Variants in C1orf167 observed in about 807,000 individuals in gnomAD.
C1orf167 encodes uncharacterized protein C1orf167.
A neutral mutation model predicts 176.5 loss-of-function variants in C1orf167; 153 were observed. The observed-to-expected ratio is 0.87, with a 90% CI of 0.76 to 0.99. The LOEUF (loss-of-function observed/expected upper bound fraction) is 0.99, where lower values mean the gene tolerates loss of function less well. Ranked by LOEUF, C1orf167 falls within the 50% of genes least tolerant of loss-of-function variation. The pLI is 0.00. For synonymous variants in C1orf167, 594 were observed against 752.7 expected (o/e 0.79, Z 3.45); for missense variants, 1,490 against 1,817.7 (o/e 0.82, Z 3.28).
intron 16 of C1orf167, chr1:11,786,173 CAGTT>C (rs926172858): frequency 2.6e-5 from 4 of 152,218 alleles, no homozygotes; most frequent in African/African-American, 9.6e-5. Context: ...AGACCAGAAG[CAGTT>C]AGTTCTGACA....
rs77347935 is a variant in C1orf167 at position 11,768,307 on chromosome 1, G to C, written c.1542+32G>C. 1 of 1,285,038 alleles carries C rather than the reference G, an allele frequency of 7.8e-7. No individual in the cohort carries two copies. The highest frequency in any genetic ancestry group is 1.0e-6 in the Non-Finnish European group (1 of 985,046). 79.6% of individuals were successfully genotyped at this position (1,285,038 alleles called of 1,614,324 possible). ...GGTCTCCAGGTTGGGCCAGGGGGCC[G>C]TGTGAAGCAGTGGTGTGTCTGGGGA... On this transcript the variant is annotated intron_variant, in intron 5 of 20. Coordinates refer to ENST00000688073, the MANE Select transcript of C1orf167 (RefSeq NM_001010881.2). This position sits in a 1 kb window ranked among gnomAD's most constrained non-coding sequence, Gnocchi z 4.5.
At chr1:11,772,749 C>A (rs1643140862) in intron 8 of C1orf167, among the ~76,000 whole-genome samples, 1 of 152,170 alleles carries the variant, frequency 6.6e-6, no homozygotes, top group Admixed American at 6.5e-5. Flanking sequence ...ACAGTGGAAC[C>A]CATGGCTGGT....
chr1:11,782,881 T>C (rs1286928131), intron 14 of C1orf167, among the ~76,000 whole-genome samples: 3 of 140,482 alleles, frequency 2.1e-5, no homozygotes, highest in Non-Finnish European at 4.5e-5. Context: ...ATTGCACCAC[T>C]GCACTCCAGC....
chr1:11,774,125 G>T (rs12734761), intron 8 of C1orf167, among the ~76,000 whole-genome samples: 1 of 151,794 alleles, frequency 6.6e-6, no homozygotes, highest in Non-Finnish European at 1.5e-5. Flanking sequence ...GGCTGGCCTC[G>T]AACTCCTGGA....
chr1:11,785,095 CAG>C lies in C1orf167; in HGVS notation c.3426-48_3426-47del, dbSNP rs751320852. 1.8e-3 allele frequency: 2,169 copies of C among 1,227,030 alleles called. 2 individuals are homozygous for C. Among genetic ancestry groups the C allele is most frequent in the Non-Finnish European group, 2.2e-3 (2,069 of 947,162 alleles). 76.0% of individuals were successfully genotyped at this position (1,227,030 alleles called of 1,614,324 possible). On this transcript the variant is annotated intron_variant, in intron 15 of 20. Coordinates refer to ENST00000688073, the MANE Select transcript of C1orf167 (RefSeq NM_001010881.2). ...CGCAGGGCACTGGGGGGGCTCCCTG[CAG>C]AGAGTCCTGGCCTTTATGGCCCTGG...
rs572350123 is a variant in C1orf167, at chr1:11,762,209, C to T, written c.-167C>T. 1 of 447,538 alleles carries T rather than the reference C, an allele frequency of 2.2e-6. No homozygotes were observed. The highest frequency in any genetic ancestry group is 4.5e-6 in the Non-Finnish European group (1 of 220,512). 27.7% of individuals were successfully genotyped at this position (447,538 alleles called of 1,614,324 possible). A position where few individuals can be genotyped will look rare whatever the true frequency, so the allele number is the denominator to read the frequency against. On this transcript the variant is annotated 5_prime_UTR_variant, in exon 1 of 21. Coordinates refer to ENST00000688073, the MANE Select transcript of C1orf167 (RefSeq NM_001010881.2). Reference sequence around the variant, plus strand: ...CTGCTCTCCGACGTCCCCTCCCGCCCGCGACCTGCCGACCTGCGGGGATCG... The same window carrying T: ...CTGCTCTCCGACGTCCCCTCCCGCCTGCGACCTGCCGACCTGCGGGGATCG...
intron 7 of C1orf167, 61 bp downstream of exon 7, chr1:11,771,697 C>G: frequency 8.6e-7 from 1 of 1,161,306 alleles, no homozygotes; most frequent in Non-Finnish European, 1.1e-6. Flanking sequence ...GGCCTGAGCT[C>G]CACACTGGGC....
At position 11,778,676 on chromosome 1, in the gene C1orf167, C is replaced by T. The variant is rs1337015257; in HGVS notation, c.2356C>T (p.Leu786=). ...CTTCTCTAGCTCCTTCTTCCAGGGC[C>T]TGCAGCAGCGGATGCTGCAGCGCAG... is the stretch of plus-strand genomic sequence containing the variant. ...RQWANSFFQG[L]QQRMLQRSLR... The change falls in exon 11 of 21, where the codon CTG becomes TTG. Residue 786 remains leucine, a synonymous_variant. Coordinates refer to ENST00000688073, the MANE Select transcript of C1orf167 (RefSeq NM_001010881.2). The T allele has an allele frequency of 1.5e-6, 2 of 1,298,978 alleles. No homozygotes were observed. Among genetic ancestry groups the T allele is most frequent in the Non-Finnish European group, 2.0e-6 (2 of 984,936 alleles). The allele number at this position is 1,298,978 out of a possible 1,614,324, so 80.5% of individuals were successfully genotyped here. A position where few individuals can be genotyped will look rare whatever the true frequency, so the allele number is the denominator to read the frequency against.
rs976124989 is a variant in C1orf167, at chr1:11,779,070, C to T, written c.2641C>T (p.Arg881Cys). The T allele has an allele frequency of 1.3e-5, 16 of 1,249,162 alleles. 1 individual carries two copies. In the East Asian group the frequency reaches 2.3e-4, roughly 18 times the overall value. The allele number at this position is 1,249,162 out of a possible 1,614,324, so 77.4% of individuals were successfully genotyped here. ...CACAGCCAGGTGGTACCAGCATACC[C>T]GCCAGAGGCGGTAGGGATCCCTCCC... ...QGTARWYQHT[R>C]QRRIFLSWSR... is the part of the protein sequence containing the mutation. Residue 881 changes from arginine (R) to cysteine (C), a missense_variant, in exon 12 of 21, where the codon CGC (arginine) becomes TGC (cysteine). Physicochemically the swap from Arg to Cys is radical, Grantham distance 180 (BLOSUM62 -3). Coordinates refer to ENST00000688073, the MANE Select transcript of C1orf167 (RefSeq NM_001010881.2).
In C1orf167 at chr1:11,767,001, G is replaced by T; in HGVS notation, c.1215G>T (p.Gly405=). ...GVSPKQKGEE[G]APRERVHREE... is the part of the protein sequence containing the mutation. The stretch of plus-strand genomic sequence containing the variant: ...CACCCAAGCAGAAAGGAGAGGAGGG[G>T]GCCCCGAGGGAGCGGGTCCACAGGG... The change falls in exon 3 of 21, where the codon GGG becomes GGT. Residue 405 remains glycine, a synonymous_variant. Coordinates refer to ENST00000688073, the MANE Select transcript of C1orf167 (RefSeq NM_001010881.2). The T allele has an allele frequency of 8.3e-7, 1 of 1,209,294 alleles. No homozygotes were observed. Among genetic ancestry groups the T allele is most frequent in the South Asian group, 1.5e-5 (1 of 67,252 alleles). 74.9% of individuals were successfully genotyped at this position (1,209,294 alleles called of 1,614,324 possible).
chr1:11,770,403 C>G (rs561928585), intron 6 of C1orf167, among the ~76,000 whole-genome samples: 149 of 151,404 alleles, frequency 9.8e-4, no homozygotes, highest in African/African-American at 3.4e-3. Context: ...AAAATGGAAA[C>G]TATGCTTATC....
chr1:11,768,020 C>A lies in C1orf167; in HGVS notation c.1344-57C>A. On this transcript the variant is annotated intron_variant, in intron 4 of 20. Coordinates refer to ENST00000688073, the MANE Select transcript of C1orf167 (RefSeq NM_001010881.2). The surrounding 1 kb of genome is among the most constrained non-coding windows in gnomAD (Gnocchi z 4.5). ...TCTCAGAGGGTATCCAGCCACTGGG[C>A]TGTCCCTGGGGATAGGAGGGCAGTC... The A allele has an allele frequency of 8.3e-7, 1 of 1,202,018 alleles. No homozygotes were observed. The highest frequency in any genetic ancestry group is 1.1e-6 in the Non-Finnish European group (1 of 937,324). The allele number at this position is 1,202,018 out of a possible 1,614,324, so 74.5% of individuals were successfully genotyped here. A position where few individuals can be genotyped will look rare whatever the true frequency, so the allele number is the denominator to read the frequency against.
Position 11,784,265 on chromosome 1 carries a change from C to G in C1orf167, c.3097C>G (p.Leu1033Val). 7.7e-7 allele frequency: 1 copy of G among 1,302,694 alleles called. No individual in the cohort carries two copies. The highest frequency in any genetic ancestry group is 1.0e-6 in the Non-Finnish European group (1 of 988,112). 80.7% of individuals were successfully genotyped at this position (1,302,694 alleles called of 1,614,324 possible). A position where few individuals can be genotyped will look rare whatever the true frequency, so the allele number is the denominator to read the frequency against. Residue 1033 changes from leucine to valine, a missense_variant, in exon 15 of 21, where the codon CTG becomes GTG. By Grantham distance (32) the Leu-to-Val change is conservative. Coordinates refer to ENST00000688073, the MANE Select transcript of C1orf167 (RefSeq NM_001010881.2). The stretch of plus-strand genomic sequence containing the variant: ...TCAGGATGGCCTGAGGAGAAGAGCA[C>G]TGGGGGCCGTGTTTGCCACATGGCG... ...AFQDGLRRRA[L>V]GAVFATWREA... is the part of the protein sequence containing the mutation.
chr1:11,762,833 C>G lies in C1orf167; in HGVS notation c.-71+528C>G, dbSNP rs113107862. 2.1e-3 allele frequency among the ~76,000 whole-genome samples: 321 copies of G among 152,318 alleles called. 3 individuals are homozygous for G. Among genetic ancestry groups the G allele is most frequent in the African/African-American group, 7.5e-3 (312 of 41,574 alleles). Reference sequence around the variant, plus strand: ...GAAACAAACAAACAAAAAAAACCAGCCTGCCCTCGTGTGGCTCCTAGGCCA... The same window carrying G: ...GAAACAAACAAACAAAAAAAACCAGGCTGCCCTCGTGTGGCTCCTAGGCCA... On this transcript the variant is annotated intron_variant, in intron 1 of 20. Coordinates refer to ENST00000688073, the MANE Select transcript of C1orf167 (RefSeq NM_001010881.2).
chr1:11,779,452 G>T (rs749620537), intron 12 of C1orf167: 4 of 232,184 alleles, frequency 1.7e-5, no homozygotes, highest in Admixed American at 1.5e-4. Flanking sequence ...GGGGTTAATA[G>T]TACTGGCTCC....
At position 11,762,209 on chromosome 1, in the gene C1orf167, C is replaced by G. The variant is rs572350123; in HGVS notation, c.-167C>G. ...CTGCTCTCCGACGTCCCCTCCCGCC[C>G]GCGACCTGCCGACCTGCGGGGATCG... On this transcript the variant is annotated 5_prime_UTR_variant, in exon 1 of 21. Coordinates refer to ENST00000688073, the MANE Select transcript of C1orf167 (RefSeq NM_001010881.2). The G allele has an allele frequency of 7.0e-4, 312 of 447,656 alleles. 1 individual carries two copies. The highest frequency in any genetic ancestry group is 5.4e-3 in the African/African-American group (269 of 49,910). The allele number at this position is 447,656 out of a possible 1,614,324, so 27.7% of individuals were successfully genotyped here. A position where few individuals can be genotyped will look rare whatever the true frequency, so the allele number is the denominator to read the frequency against.
In C1orf167 at chr1:11,766,522, T is replaced by C. The variant is rs564954884; in HGVS notation, c.736T>C (p.Cys246Arg). ...AVHQLLASVH[C>R]LAQEAARLRC... ...CCACCAGCTGCTGGCTTCTGTACAT[T>C]GCCTGGCGCAGGAGGCAGCCCGACT... The change falls in exon 3 of 21, where the codon TGC becomes CGC. Residue 246 changes from cysteine (C) to arginine (R), a missense_variant. Physicochemically the swap from Cys to Arg is radical, Grantham distance 180. Transcript: ENST00000688073. This position sits in a 1 kb window ranked among gnomAD's most constrained non-coding sequence, Gnocchi z 4.5. 2.5e-5 allele frequency: 31 copies of C among 1,264,230 alleles called. No homozygotes were observed. The South Asian group carries it at 3.6e-4, about 15-fold the overall frequency. 78.3% of individuals were successfully genotyped at this position (1,264,230 alleles called of 1,614,324 possible).
At chr1:11,774,793 ACT>A (rs1252304004) in intron 8 of C1orf167, among the ~76,000 whole-genome samples, 1 of 152,050 alleles carries the variant, frequency 6.6e-6, no homozygotes, top group Admixed American at 6.6e-5. Context: ...TTAGCAGGTG[ACT>A]CTGATGATTT....
At chr1:11,769,239 G>A (rs1642938756) in intron 6 of C1orf167, 112 bp downstream of exon 6, 1 of 869,332 alleles carries the variant, frequency 1.2e-6, no homozygotes, top group Non-Finnish European at 1.4e-6. Context: ...GCAGATGTGG[G>A]CAAAGATTTA....
Sources: allele counts gnomAD v4.1 joint callset (sites outside exome capture counted in the v4.1 genomes callset), GRCh38; gene constraint gnomAD v4.1.1; non-coding constraint Gnocchi (gnomAD v3.1); transcripts MANE v1.5; gene names NCBI Gene and HGNC (gene_info 2026-07-23, HGNC 2026-07-21).